TNKS: variants seen among roughly 807,000 people sequenced by gnomAD.
TNKS encodes the protein poly [ADP-ribose] polymerase tankyrase-1.
A neutral mutation model predicts 135.8 loss-of-function variants in TNKS; 72 were observed. The ratio of observed to expected loss-of-function variants is 0.53; its 90% confidence interval spans 0.44 to 0.64. TNKS has a LOEUF of 0.64. Ranked by LOEUF, TNKS falls within the 30% of genes least tolerant of loss-of-function variation. TNKS has a pLI of 0.00. For missense variants in TNKS, 1,769 were observed against 1,674.0 expected (o/e 1.06, Z -0.99); for synonymous variants, 849 against 649.3 (o/e 1.31, Z -4.68).
At chr8:9,606,669 C>T (rs1231272800) in intron 2 of TNKS, among the ~76,000 whole-genome samples, 1 of 152,144 alleles carries the variant, frequency 6.6e-6, no homozygotes, top group African/African-American at 2.4e-5. Flanking sequence ...AACCCTAACA[C>T]ATCTGGGATA....
intron 3 of TNKS, among the ~76,000 whole-genome samples, chr8:9,633,586 G>A (rs1800381249): frequency 6.6e-6 from 1 of 152,172 alleles, no homozygotes; most frequent in African/African-American, 2.4e-5. Flanking sequence ...TTGTAGAAGA[G>A]TTTTTCTGTG....
chr8:9,727,454 G>A (rs1391569625), intron 13 of TNKS, among the ~76,000 whole-genome samples: 5 of 152,114 alleles, frequency 3.3e-5, no homozygotes, highest in Admixed American at 3.3e-4. Flanking sequence ...TTTTTTACGA[G>A]ACAAGGTCTT....
chr8:9,705,074 A>T (rs1051748868), intron 6 of TNKS, among the ~76,000 whole-genome samples: 3 of 152,196 alleles, frequency 2.0e-5, no homozygotes, highest in African/African-American at 7.2e-5. Context: ...AATTATGAAA[A>T]TCCAGTAGCA....
intron 11 of TNKS, among the ~76,000 whole-genome samples, chr8:9,715,457 G>T (rs1014886281): frequency 4.6e-5 from 7 of 151,996 alleles, no homozygotes; most frequent in African/African-American, 1.7e-4. Flanking sequence ...AGGCCACCTG[G>T]TACCACCTGT....
intron 1 of TNKS, among the ~76,000 whole-genome samples, chr8:9,565,494 C>A (rs1383638444): frequency 6.6e-6 from 1 of 152,036 alleles, no homozygotes; most frequent in African/African-American, 2.4e-5. Flanking sequence ...CCAAACTGAA[C>A]AAAATTTGTT....
chr8:9,683,678 T>C (rs937062683), intron 5 of TNKS, among the ~76,000 whole-genome samples: 4 of 151,842 alleles, frequency 2.6e-5, no homozygotes, highest in African/African-American at 9.7e-5. Context: ...TTTGAGACTT[T>C]AGGTTTTTTT....
intron 3 of TNKS, among the ~76,000 whole-genome samples, chr8:9,623,788 G>A (rs966234899): frequency 7.9e-5 from 12 of 152,094 alleles, no homozygotes; most frequent in African/African-American, 1.9e-4. Flanking sequence ...GATCACTTGA[G>A]GCCAGGAGTT....
At chr8:9,658,607 C>T (rs1233721593) in intron 3 of TNKS, among the ~76,000 whole-genome samples, 4 of 152,188 alleles carry the variant, frequency 2.6e-5, no homozygotes, top group African/African-American at 9.7e-5. Context: ...AAAGGAACAA[C>T]CGGTAACAGC....
intron 14 of TNKS, 117 bp downstream of exon 14, chr8:9,731,152 A>G (rs1339828184): frequency 7.1e-6 from 9 of 1,263,238 alleles, no homozygotes; most frequent in Non-Finnish European, 9.4e-6. Flanking sequence ...TTTTTTGTTT[A>G]AAACATAAAT....
chr8:9,678,555 C>G (rs1802644523), intron 3 of TNKS, among the ~76,000 whole-genome samples: 1 of 152,092 alleles, frequency 6.6e-6, no homozygotes, highest in Non-Finnish European at 1.5e-5. Context: ...AGGTATTTAA[C>G]AACTTTTTAC....
intron 20 of TNKS, 48 bp from the exon 21 acceptor site, chr8:9,761,468 C>T (rs1807144622): frequency 2.5e-6 from 4 of 1,600,814 alleles, no homozygotes; most frequent in African/African-American, 1.3e-5. Context: ...CTTTTGTCCT[C>T]TTAAGAACTG....
chr8:9,657,501 G>A (rs1304268705), intron 3 of TNKS, among the ~76,000 whole-genome samples: 3 of 80,030 alleles, frequency 3.7e-5, no homozygotes, highest in African/African-American at 9.9e-5. Flanking sequence ...CCTCCCGGAC[G>A]GGGCGGCTGG....
chr8:9,593,876 ATTT>A (rs1798676359), intron 2 of TNKS, among the ~76,000 whole-genome samples: 2 of 138,026 alleles, frequency 1.4e-5, no homozygotes, highest in African/African-American at 2.8e-5. Context: ...TTATTTATTT[ATTT>A]ATTATTATTA....
intron 5 of TNKS, among the ~76,000 whole-genome samples, chr8:9,690,003 T>G (rs556843190): frequency 6.8e-4 from 104 of 152,352 alleles, no homozygotes; most frequent in African/African-American, 2.2e-3. Flanking sequence ...ATGTGCAGTT[T>G]GGGTAGTGTG....
chr8:9,707,071 A>T, intron 8 of TNKS, 74 bp downstream of exon 8: 1 of 1,277,946 alleles, frequency 7.8e-7, no homozygotes, highest in Non-Finnish European at 1.1e-6. Context: ...TATCTACCTT[A>T]AATAATAACC....
intron 1 of TNKS, among the ~76,000 whole-genome samples, chr8:9,562,106 C>G (rs767806085): frequency 6.6e-6 from 1 of 152,104 alleles, no homozygotes; most frequent in Non-Finnish European, 1.5e-5. Context: ...AGTGACCCAC[C>G]ACGCCTGGCC....
intron 3 of TNKS, among the ~76,000 whole-genome samples, chr8:9,619,344 G>T (rs1799772912): frequency 6.6e-6 from 1 of 152,210 alleles, no homozygotes; most frequent in South Asian, 2.1e-4. Context: ...TCTCTGGGCA[G>T]AGTGGAAAGG....
At chr8:9,624,881 C>G (rs141724486) in intron 3 of TNKS, among the ~76,000 whole-genome samples, 21 of 152,166 alleles carry the variant, frequency 1.4e-4, no homozygotes, top group Middle Eastern at 3.4e-3. Flanking sequence ...GTTATAATAA[C>G]TAATACCAAG....
In TNKS at chr8:9,644,927, A is replaced by G. The variant is rs1228940444; in HGVS notation, c.994+29250A>G. 2.6e-5 allele frequency among the ~76,000 whole-genome samples: 4 copies of G among 152,160 alleles called. 1 individual carries two copies. The highest frequency in any genetic ancestry group is 9.7e-5 in the African/African-American group (4 of 41,448). On this transcript the variant is annotated intron_variant, in intron 3 of 26. Coordinates refer to ENST00000310430, the MANE Select transcript of TNKS (RefSeq NM_003747.3). ...TATTATAAAATAGGCTTTGTGTGAG[A>G]TGATTTTGCCCCACTATAGGCCAAT...
Sources: gnomAD v4.1 joint callset for allele counts (sites outside exome capture counted in the v4.1 genomes callset) on GRCh38, gnomAD v4.1.1 for gene constraint, MANE v1.5 for transcripts, NCBI Gene and HGNC (gene_info 2026-07-23, HGNC 2026-07-21) for gene names.